RBFOX2: variants seen among roughly 807,000 people sequenced by gnomAD.
The protein encoded by RBFOX2 is RNA binding fox-1 homolog 2, also known as RNA binding protein fox-1 homolog 2.
In RBFOX2, 10 loss-of-function variants were observed where a neutral mutation model predicts 49.1. That is an observed-to-expected ratio of 0.20 (90% confidence interval 0.13 to 0.35). The LOEUF (loss-of-function observed/expected upper bound fraction) is 0.35. Ranked by LOEUF, RBFOX2 falls within the 10% of genes least tolerant of loss-of-function variation. RBFOX2 has a pLI of 1.00. For synonymous variants in RBFOX2, 183 were observed against 187.4 expected, an observed-to-expected ratio of 0.98 and a Z score of 0.19; for missense variants, 323 against 486.9, an observed-to-expected ratio of 0.66 and a Z score of 3.17.
intron 1 of RBFOX2, among the ~76,000 whole-genome samples, chr22:35,928,841 G>A (rs896730250): frequency 8.5e-5 from 13 of 152,082 alleles, no homozygotes; most frequent in Non-Finnish European, 1.8e-4. Flanking sequence ...ACATGAAAAG[G>A]TACCTACTTA....
intron 4 of RBFOX2, 78 bp downstream of exon 5, chr22:35,777,947 T>C: frequency 7.2e-7 from 1 of 1,395,082 alleles, no homozygotes; most frequent in Non-Finnish European, 1.0e-6. Context: ...CAGCTTATGT[T>C]TTCTGAATAC....
chr22:35,828,226 T>C (rs1010786404), intron 1 of RBFOX2, among the ~76,000 whole-genome samples: 1 of 143,396 alleles, frequency 7.0e-6, no homozygotes, highest in Non-Finnish European at 1.5e-5. Flanking sequence ...AACCACAAAA[T>C]ACATGAAACA....
At chr22:35,912,334 A>G (rs2049928519) in intron 1 of RBFOX2, among the ~76,000 whole-genome samples, 1 of 152,226 alleles carries the variant, frequency 6.6e-6, no homozygotes, top group Non-Finnish European at 1.5e-5. Context: ...GATTCCCATC[A>G]ACATTCTCAG....
At chr22:35,970,639 C>T (rs1297233083) in intron 1 of RBFOX2, among the ~76,000 whole-genome samples, 1 of 152,034 alleles carries the variant, frequency 6.6e-6, no homozygotes, top group Non-Finnish European at 1.5e-5. Context: ...CCAGCCTGGG[C>T]AACACAACAG....
chr22:35,922,779 G>C lies in RBFOX2; in HGVS notation c.-34+16068C>G, dbSNP rs562319620. On this transcript the variant is annotated intron_variant, in intron 1 of 13. Transcript: ENST00000359369. Reference sequence around the variant, plus strand: ...GGTACCCACAAATAAAGTTTTACTAGAATAGAGCCACAATCTTTTGTTTAC... The same window carrying C: ...GGTACCCACAAATAAAGTTTTACTACAATAGAGCCACAATCTTTTGTTTAC... 2.0e-5 allele frequency among the ~76,000 whole-genome samples: 3 copies of C among 152,218 alleles called. No individual in the cohort carries two copies. The East Asian group carries it at 5.8e-4, about 29-fold the overall frequency.
chr22:35,947,105 T>A (rs770506721), intron 1 of RBFOX2, among the ~76,000 whole-genome samples: 4 of 151,950 alleles, frequency 2.6e-5, no homozygotes, highest in Non-Finnish European at 4.4e-5. Flanking sequence ...GGCACAAGAA[T>A]CGCTTGAACC....
chr22:35,785,206 C>T (rs1408237886), intron 2 of RBFOX2, among the ~76,000 whole-genome samples: 3 of 152,116 alleles, frequency 2.0e-5, no homozygotes, highest in Non-Finnish European at 4.4e-5. Context: ...AACATCCCAG[C>T]ATGCATTTAT....
intron 1 of RBFOX2, among the ~76,000 whole-genome samples, chr22:36,016,256 G>GT (rs2059031392): frequency 6.6e-6 from 1 of 151,820 alleles, no homozygotes; most frequent in South Asian, 2.1e-4. Flanking sequence ...CTGCCCAAAA[G>GT]TATTCCAACT....
intron 1 of RBFOX2, among the ~76,000 whole-genome samples, chr22:36,006,308 C>T (rs2058616853): frequency 6.6e-6 from 1 of 152,198 alleles, no homozygotes; most frequent in Admixed American, 6.5e-5. Flanking sequence ...ACATAAGATT[C>T]AAGTTGTGTC....
intron 1 of RBFOX2, among the ~76,000 whole-genome samples, chr22:35,831,816 T>G (rs927462784): frequency 6.6e-6 from 1 of 152,198 alleles, no homozygotes; most frequent in Admixed American, 6.5e-5. Context: ...GTTGTATCAT[T>G]TGTGGACATA....
At chr22:35,752,968 G>A (rs1305068706) in intron 9 of RBFOX2, among the ~76,000 whole-genome samples, 3 of 152,148 alleles carry the variant, frequency 2.0e-5, no homozygotes, top group African/African-American at 7.2e-5. Context: ...TCTCCAGAGA[G>A]GAATGTGCCA....
At chr22:35,941,608 G>A (rs556164202), upstream of RBFOX2, among the ~76,000 whole-genome samples, 573 of 152,092 alleles carry the variant, frequency 3.8e-3, 4 homozygotes, top group Middle Eastern at 6.8e-3. Flanking sequence ...GTCTGAGAAG[G>A]GGATTATCTG....
upstream of RBFOX2, among the ~76,000 whole-genome samples, chr22:35,843,389 A>G (rs920089890): frequency 2.0e-5 from 3 of 152,152 alleles, no homozygotes; most frequent in Non-Finnish European, 4.4e-5. Flanking sequence ...CTCAAGAAAT[A>G]TTTATTAAAT....
chr22:35,756,179 A>G, intron 9 of RBFOX2, 35 bp from the exon 11 acceptor site: 1 of 1,486,550 alleles, frequency 6.7e-7, no homozygotes, highest in Non-Finnish European at 9.0e-7. Context: ...AAAACAAAAA[A>G]AACAAAAGAA....
At chr22:35,917,208 A>T (rs2149556884) in intron 1 of RBFOX2, among the ~76,000 whole-genome samples, 1 of 152,346 alleles carries the variant, frequency 6.6e-6, no homozygotes, top group South Asian at 2.1e-4. Context: ...GTAGGGGAAG[A>T]CACAACAAAA....
At chr22:35,941,845 C>G (rs1044968940), upstream of RBFOX2, among the ~76,000 whole-genome samples, 3 of 152,186 alleles carry the variant, frequency 2.0e-5, no homozygotes, top group African/African-American at 7.2e-5. Context: ...ATTTACTCCT[C>G]CACCTGCCTT....
intron 1 of RBFOX2, among the ~76,000 whole-genome samples, chr22:35,907,837 G>C (rs570464920): frequency 1.5e-3 from 225 of 152,082 alleles, no homozygotes; most frequent in Middle Eastern, 3.4e-3. Flanking sequence ...AGTGGAGACG[G>C]GTTTTTGTCA....
chr22:35,750,138 AGCCCTG>A (rs936014512), intron 9 of RBFOX2, among the ~76,000 whole-genome samples: 1 of 152,144 alleles, frequency 6.6e-6, no homozygotes, highest in African/African-American at 2.4e-5. Flanking sequence ...TGCCCACCCT[AGCCCTG>A]GCCCACACCA....
At chr22:35,996,764 G>A (rs914180402) in intron 1 of RBFOX2, 1 of 152,194 alleles carries the variant, frequency 6.6e-6, no homozygotes, top group Non-Finnish European at 1.5e-5. Context: ...GGAAAGAGAG[G>A]TTGCTCTATG....
Sources: allele counts gnomAD v4.1 joint callset (sites outside exome capture counted in the v4.1 genomes callset), GRCh38; gene constraint gnomAD v4.1.1; transcripts MANE v1.5; gene names NCBI Gene and HGNC (gene_info 2026-07-23, HGNC 2026-07-21).